CABLES2: variants seen among roughly 807,000 people sequenced by gnomAD.
The protein encoded by CABLES2 is CDK5 and ABL1 enzyme substrate 2.
In CABLES2, 35 loss-of-function variants were observed where a neutral mutation model predicts 44.8. The ratio of observed to expected loss-of-function variants is 0.78; its 90% CI spans 0.60 to 1.04. CABLES2 has a LOEUF of 1.04. Ranked by LOEUF, CABLES2 falls within the 50% of genes least tolerant of loss-of-function variation. CABLES2 has a pLI of 0.00. For missense variants in CABLES2, 566 were observed against 615.7 expected, an observed-to-expected ratio of 0.92 and a Z score of 0.85; for synonymous variants, 282 against 281.1, an observed-to-expected ratio of 1.00 and a Z score of -0.03.
chr20:62,396,842 C>T lies in CABLES2; in HGVS notation c.363-250G>A, dbSNP rs191376849. 2.6e-3 allele frequency among the ~76,000 whole-genome samples: 390 copies of T among 152,208 alleles called. 2 individuals are homozygous for T. Among genetic ancestry groups the T allele is most frequent in the Non-Finnish European group, 3.7e-3 (252 of 67,998 alleles). Reference sequence around the variant, plus strand: ...GACCAGCAGCCCTGGGGGACAGGCTCCTCAGGCATAGGATAGCACAGCACA... The same window carrying T: ...GACCAGCAGCCCTGGGGGACAGGCTTCTCAGGCATAGGATAGCACAGCACA... On this transcript the variant is annotated intron_variant, in intron 1 of 9. Coordinates refer to ENST00000279101, the MANE Select transcript of CABLES2 (RefSeq NM_031215.3). This position sits in a 1 kb window ranked among gnomAD's most constrained non-coding sequence, Gnocchi z 5.7.
chr20:62,391,530 C>G lies in CABLES2; in HGVS notation c.1092-77G>C. 1 of 1,474,242 alleles carries G rather than the reference C, an allele frequency of 6.8e-7. No homozygotes were observed. The highest frequency in any genetic ancestry group is 1.7e-5 in the Admixed American group (1 of 58,466). 91.3% of individuals were successfully genotyped at this position (1,474,242 alleles called of 1,614,324 possible). A position where few individuals can be genotyped will look rare whatever the true frequency, so the allele number is the denominator to read the frequency against. On this transcript the variant is annotated intron_variant, in intron 8 of 9. Coordinates refer to ENST00000279101, the MANE Select transcript of CABLES2 (RefSeq NM_031215.3). The surrounding 1 kb of genome is among the most constrained non-coding windows in gnomAD (Gnocchi z 5.7). ...GAGGCAGCCCCCTGCCACCACCAAC[C>G]GAGGCTGGAGCGATGTAGCTTTGGG...
intron 1 of CABLES2, among the ~76,000 whole-genome samples, chr20:62,400,348 G>C (rs543103227): frequency 6.6e-6 from 1 of 152,326 alleles, no homozygotes; most frequent in South Asian, 2.1e-4. Flanking sequence ...GCACCCAGCT[G>C]CATGCTGAGG....
intron 1 of CABLES2, among the ~76,000 whole-genome samples, chr20:62,398,088 A>ATGGTGGTGGTGGTGGTGATGG (rs1569017555): frequency 1.9e-5 from 1 of 52,162 alleles, no homozygotes; most frequent in African/African-American, 7.1e-5. Flanking sequence ...GGTGGTGGTG[A>ATGGTGGTGGTGGTGGTGATGG]CGGTGGTGGT....
At position 62,396,250 on chromosome 20, in the gene CABLES2, G is replaced by T. The variant is rs748036; in HGVS notation, c.527+65C>A. 3 of 1,373,184 alleles carry T rather than the reference G, an allele frequency of 2.2e-6. No individual in the cohort carries two copies. Among genetic ancestry groups the T allele is most frequent in the Admixed American group, 3.4e-5 (2 of 59,194 alleles). The allele number at this position is 1,373,184 out of a possible 1,614,324, so 85.1% of individuals were successfully genotyped here. On this transcript the variant is annotated intron_variant, in intron 3 of 9. Coordinates refer to ENST00000279101, the MANE Select transcript of CABLES2 (RefSeq NM_031215.3). The surrounding 1 kb of genome is among the most constrained non-coding windows in gnomAD (Gnocchi z 5.7). ...TGGAGGGAAGATTGCTTGGCTGACA[G>T]GGGCAGGACCCCGTGGGCTTATGGA...
At chr20:62,394,539 C>T (rs970680810) in intron 4 of CABLES2, among the ~76,000 whole-genome samples, 29 of 152,288 alleles carry the variant, frequency 1.9e-4, no homozygotes, top group African/African-American at 6.7e-4. Flanking sequence ...GGTACATGTG[C>T]CCACGCCTGG....
At chr20:62,399,809 G>T (rs1270668190) in intron 1 of CABLES2, among the ~76,000 whole-genome samples, 1 of 149,762 alleles carries the variant, frequency 6.7e-6, no homozygotes, top group African/African-American at 2.5e-5. Flanking sequence ...GGCCAGGCTG[G>T]TCTCGAACTC....
intron 6 of CABLES2, 71 bp downstream of exon 6, chr20:62,393,369 G>T: frequency 2.8e-6 from 4 of 1,445,112 alleles, no homozygotes; most frequent in Non-Finnish European, 3.8e-6. Context: ...TGATGCTGCT[G>T]CAGTCCCTGG....
chr20:62,392,853 C>A, intron 7 of CABLES2, 67 bp downstream of exon 7: 1 of 1,425,488 alleles, frequency 7.0e-7, no homozygotes, highest in Non-Finnish European at 9.9e-7. Flanking sequence ...CACAGCCTGC[C>A]CCACACGCCC....
chr20:62,398,202 G>GTGATGGTGGTGGTGATGGTGA (rs1569017878), intron 1 of CABLES2, among the ~76,000 whole-genome samples: 7 of 112,556 alleles, frequency 6.2e-5, no homozygotes, highest in Non-Finnish European at 1.1e-4. Context: ...GATGATGGTG[G>GTGATGGTGGTGGTGATGGTGA]TGATGGTGAT....
In CABLES2 at chr20:62,393,108, G is replaced by A. The variant is rs887231416; in HGVS notation, c.881-85C>T. 38 of 1,240,172 alleles carry A rather than the reference G, an allele frequency of 3.1e-5. 1 individual carries two copies. The highest frequency in any genetic ancestry group is 1.0e-4 in the African/African-American group (7 of 67,574). 76.8% of individuals were successfully genotyped at this position (1,240,172 alleles called of 1,614,324 possible). ...AGGCCTGGCAGGCCAGCGCCATGGC[G>A]GGGCAAGGCCGAGCAGGGGAGGGGC... On this transcript the variant is annotated intron_variant, in intron 6 of 9. Coordinates refer to ENST00000279101, the MANE Select transcript of CABLES2 (RefSeq NM_031215.3).
At position 62,390,523 on chromosome 20, in the gene CABLES2, A is replaced by G. The variant is rs970394190; in HGVS notation, c.*448T>C. 1 of 161,538 alleles carries G rather than the reference A, an allele frequency of 6.2e-6. No individual in the cohort carries two copies. The highest frequency in any genetic ancestry group is 1.4e-5 in the Non-Finnish European group (1 of 73,434). 10.0% of individuals were successfully genotyped at this position (161,538 alleles called of 1,614,324 possible). On this transcript the variant is annotated 3_prime_UTR_variant, in exon 10 of 10. Coordinates refer to ENST00000279101, the MANE Select transcript of CABLES2 (RefSeq NM_031215.3). ...ATGAATGCCTAAATAAGTTAAACTC[A>G]GCCATTCCAGTGTGTTCAGTGAGGT... is the stretch of plus-strand genomic sequence containing the variant.
rs202008031 is a variant in CABLES2, at chr20:62,390,770, C to T, written c.*201G>A. 5.1e-5 allele frequency: 30 copies of T among 592,932 alleles called. No homozygotes were observed. The highest frequency in any genetic ancestry group is 3.7e-4 in the African/African-American group (20 of 53,944). The allele number at this position is 592,932 out of a possible 1,614,324, so 36.7% of individuals were successfully genotyped here. On this transcript the variant is annotated 3_prime_UTR_variant, in exon 10 of 10. Coordinates refer to ENST00000279101, the MANE Select transcript of CABLES2 (RefSeq NM_031215.3). ...ATTCTCAGAAATCCCCTCGGAGGGA[C>T]GGTGCACTTGGGGATGAAAGCGACG...
chr20:62,391,851 G>T lies in CABLES2; in HGVS notation c.1092-398C>A, dbSNP rs542951270. On this transcript the variant is annotated intron_variant, in intron 8 of 9. Coordinates refer to ENST00000279101, the MANE Select transcript of CABLES2 (RefSeq NM_031215.3). This position sits in a 1 kb window ranked among gnomAD's most constrained non-coding sequence, Gnocchi z 5.7. ...CCTCTGGAACACTGGGGCAGAGGCC[G>T]GCAGGGCAGGCCCCCAGTACAGGGC... Among the ~76,000 whole-genome samples the T allele has an allele frequency of 6.6e-6, 1 of 152,228 alleles. No individual in the cohort carries two copies. Among genetic ancestry groups the T allele is most frequent in the South Asian group, 2.1e-4 (1 of 4,814 alleles).
At chr20:62,400,539 T>G (rs1988169964) in intron 1 of CABLES2, among the ~76,000 whole-genome samples, 1 of 152,210 alleles carries the variant, frequency 6.6e-6, no homozygotes, top group Non-Finnish European at 1.5e-5. Context: ...GGTGTTTGTG[T>G]GTCCTGACCT....
chr20:62,396,939 C>T lies in CABLES2; in HGVS notation c.363-347G>A, dbSNP rs1402131543. Among the ~76,000 whole-genome samples the T allele has an allele frequency of 6.6e-6, 1 of 152,148 alleles. No individual in the cohort carries two copies. Among genetic ancestry groups the T allele is most frequent in the African/African-American group, 2.4e-5 (1 of 41,426 alleles). On this transcript the variant is annotated intron_variant, in intron 1 of 9. Transcript: ENST00000279101. This position sits in a 1 kb window ranked among gnomAD's most constrained non-coding sequence, Gnocchi z 5.7. The stretch of plus-strand genomic sequence containing the variant: ...AAGCAACACCCTGCTGGGGGCACCA[C>T]CAACTCTGACAGGCCCATCCCACCC...
rs1569014629 is a variant in CABLES2 at position 62,391,751 on chromosome 20, G to C, written c.1092-298C>G. On this transcript the variant is annotated intron_variant, in intron 8 of 9. Coordinates refer to ENST00000279101, the MANE Select transcript of CABLES2 (RefSeq NM_031215.3). The surrounding 1 kb of genome is among the most constrained non-coding windows in gnomAD (Gnocchi z 5.7). Reference sequence around the variant, plus strand: ...AGAGGACAGGCTCTGCTCTCGGTGGGGGGCAGTGGTCTCTGATGAGGGGTG... The same window carrying C: ...AGAGGACAGGCTCTGCTCTCGGTGGCGGGCAGTGGTCTCTGATGAGGGGTG... Among the ~76,000 whole-genome samples, 1 of 149,280 alleles carries C rather than the reference G, an allele frequency of 6.7e-6. No individual in the cohort carries two copies.
At chr20:62,400,031 C>T (rs2146426939) in intron 1 of CABLES2, among the ~76,000 whole-genome samples, 2 of 152,330 alleles carry the variant, frequency 1.3e-5, no homozygotes, top group South Asian at 4.1e-4. Context: ...GCAAAGTCAA[C>T]AAGAGCTTGT....
chr20:62,395,764 G>A (rs921227151), intron 3 of CABLES2, among the ~76,000 whole-genome samples: 1 of 152,192 alleles, frequency 6.6e-6, no homozygotes, highest in Non-Finnish European at 1.5e-5. Flanking sequence ...GAGGGTGCCC[G>A]GCAGGGGGAG....
rs1987901988 is a variant in CABLES2, at chr20:62,390,864, C to T, written c.*107G>A. ...ACCAGCGGAGGCCAGGTGCCTCCTG[C>T]TAGCAGGTGCTGGGGGTGCTGGCAG... On this transcript the variant is annotated 3_prime_UTR_variant, in exon 10 of 10. Coordinates refer to ENST00000279101, the MANE Select transcript of CABLES2 (RefSeq NM_031215.3). The T allele has an allele frequency of 3.6e-6, 5 of 1,389,050 alleles. No individual in the cohort carries two copies. Among genetic ancestry groups the T allele is most frequent in the Middle Eastern group, 2.1e-4 (1 of 4,770 alleles). 86.0% of individuals were successfully genotyped at this position (1,389,050 alleles called of 1,614,324 possible). A position where few individuals can be genotyped will look rare whatever the true frequency, so the allele number is the denominator to read the frequency against.
Sources: gnomAD v4.1 joint callset for allele counts (sites outside exome capture counted in the v4.1 genomes callset) on GRCh38, gnomAD v4.1.1 for gene constraint, Gnocchi (gnomAD v3.1) non-coding constraint, MANE v1.5 for transcripts, NCBI Gene and HGNC (gene_info 2026-07-23, HGNC 2026-07-21) for gene names.